The following PITRM1 variants were observed in gnomAD, a reference collection of about 807,000 sequenced individuals.
PITRM1 encodes the protein pitrilysin metallopeptidase 1, also known as presequence protease, mitochondrial.
PITRM1 carries 100 observed loss-of-function variants against 129.9 expected under a neutral mutation model. The ratio of observed to expected loss-of-function variants is 0.77; its 90% CI spans 0.65 to 0.91. The LOEUF (loss-of-function observed/expected upper bound fraction) is 0.91, where lower values mean the gene tolerates loss of function less well. PITRM1 is among the 40% of genes least tolerant of loss of function. The pLI is 0.00. For synonymous variants in PITRM1, 591 were observed against 508.8 expected, an observed-to-expected ratio of 1.16 and a Z score of -2.17; for missense variants, 1,471 against 1,318.3, an observed-to-expected ratio of 1.12 and a Z score of -1.79.
intron 7 of PITRM1, among the ~76,000 whole-genome samples, chr10:3,161,847 T>C (rs887074338): frequency 1.1e-4 from 8 of 75,014 alleles, no homozygotes; most frequent in African/African-American, 3.8e-4. Flanking sequence ...AAAACAAGAC[T>C]GGGGAAAAAA....
At chr10:3,161,017 T>C (rs1842402322) in intron 7 of PITRM1, among the ~76,000 whole-genome samples, 2 of 152,146 alleles carry the variant, frequency 1.3e-5, no homozygotes, top group South Asian at 4.1e-4. Context: ...CGTCTCAGCC[T>C]CCCAAAGTGC....
intron 23 of PITRM1, chr10:3,141,451 T>A (rs2131814020): frequency 4.4e-6 from 1 of 226,776 alleles, no homozygotes; most frequent in African/African-American, 2.3e-5. Context: ...TATTTAAATG[T>A]CTCACATCAG....
chr10:3,159,452 C>T (rs980751268), intron 9 of PITRM1, among the ~76,000 whole-genome samples: 2 of 152,184 alleles, frequency 1.3e-5, no homozygotes, highest in African/African-American at 2.4e-5. Flanking sequence ...GACCTAGTCT[C>T]GTGAAACCAC....
In PITRM1 at chr10:3,159,047, A is replaced by G. The variant is rs1290608658; in HGVS notation, c.1008-5T>C. ...GCTTCAAATGTGTCGGTGATGCTGC[A>G]TTGAAAAAAAAAGGAACGGGGAGGT... On this transcript the variant is annotated splice_region_variant and splice_polypyrimidine_tract_variant and intron_variant, in intron 9 of 26. Transcript: ENST00000224949. 3.1e-6 allele frequency: 5 copies of G among 1,605,772 alleles called. No homozygotes were observed. Among genetic ancestry groups the G allele is most frequent in the South Asian group, 1.1e-5 (1 of 89,020 alleles).
rs1173678458 is a variant in PITRM1 at position 3,138,290 on chromosome 10, G to A, written c.2965C>T (p.His989Tyr). 1.2e-6 allele frequency: 2 copies of A among 1,613,872 alleles called. No individual in the cohort carries two copies. Among genetic ancestry groups the A allele is most frequent in the Non-Finnish European group, 1.7e-6 (2 of 1,179,808 alleles). Reference sequence around the variant, plus strand: ...CTGACAGCAAAGAGCTGCTCTCTGTGGGCCTGCTTCATCTCATCCGAGAGG... The same window carrying A: ...CTGACAGCAAAGAGCTGCTCTCTGTAGGCCTGCTTCATCTCATCCGAGAGG... ...YGLSDEMKQAHREQLFAVSHD... is the reference protein window; with the variant it reads ...YGLSDEMKQAYREQLFAVSHD... The change falls in exon 26 of 27, where the codon CAC becomes TAC. Residue 989 changes from histidine to tyrosine, a missense_variant. His to Tyr is a moderately conservative substitution (Grantham distance 83). Transcript: ENST00000224949.
intron 23 of PITRM1, among the ~76,000 whole-genome samples, chr10:3,142,030 G>A (rs1391400849): frequency 2.6e-5 from 4 of 152,114 alleles, no homozygotes; most frequent in Non-Finnish European, 5.9e-5. Flanking sequence ...GCTCACTTTT[G>A]AAAGATTATA....
At chr10:3,143,885 G>C (rs1171099657) in intron 22 of PITRM1, 1 of 530,882 alleles carries the variant, frequency 1.9e-6, no homozygotes, top group African/African-American at 1.9e-5. Flanking sequence ...ACTCCACAAG[G>C]AACCAAACCA....
At chr10:3,165,151 A>C (rs994537590) in intron 6 of PITRM1, 87 bp downstream of exon 6, 3 of 959,886 alleles carry the variant, frequency 3.1e-6, no homozygotes, top group African/African-American at 3.3e-5. Context: ...GAGAATATTA[A>C]ATAAAATCTT....
intron 7 of PITRM1, among the ~76,000 whole-genome samples, chr10:3,162,734 ACCAGGCGGGAACAG>A (rs1226255468): frequency 6.6e-6 from 1 of 152,224 alleles, no homozygotes; most frequent in African/African-American, 2.4e-5. Context: ...GGCACCCAAC[ACCAGGCGGGAACAG>A]CCAGGCCACC....
chr10:3,172,745 G>C lies in PITRM1; in HGVS notation c.28C>G (p.Leu10Val), dbSNP rs572092794. Residue 10 changes from leucine (L) to valine (V), a missense_variant, in exon 1 of 27, where the codon CTG (leucine) becomes GTG (valine). By Grantham distance (32) the Leu-to-Val change is conservative. Transcript: ENST00000224949. MWRCGGRQG[L>V]CVLRRLSGGH... is the part of the protein sequence containing the mutation. ...CCGCTCAGCCGCCTCAGCACACACA[G>C]GCCCTGCCGCCCGCCGCAGCGCCAC... 2.6e-6 allele frequency: 4 copies of C among 1,545,804 alleles called. No individual in the cohort carries two copies. Among genetic ancestry groups the C allele is most frequent in the African/African-American group, 1.4e-5 (1 of 72,816 alleles).
intron 24 of PITRM1, among the ~76,000 whole-genome samples, chr10:3,139,725 G>A (rs1839988232): frequency 6.6e-6 from 1 of 152,154 alleles, no homozygotes; most frequent in African/African-American, 2.4e-5. Flanking sequence ...GTGCAGTGGC[G>A]CAATCTGCTC....
chr10:3,143,912 G>C, intron 22 of PITRM1: 1 of 516,834 alleles, frequency 1.9e-6, no homozygotes, highest in Non-Finnish European at 3.6e-6. Flanking sequence ...ATCAGCACCA[G>C]GCTGAGTCGC....
intron 19 of PITRM1, 140 bp from the exon 20 acceptor site, chr10:3,147,390 TG>T: frequency 1.1e-6 from 1 of 932,452 alleles, no homozygotes; most frequent in African/African-American, 1.6e-5. Flanking sequence ...GGGCTGGAAC[TG>T]GGATGCAGGG....
chr10:3,160,160 C>T, intron 8 of PITRM1, 44 bp downstream of exon 8: 1 of 1,604,788 alleles, frequency 6.2e-7, no homozygotes, highest in South Asian at 1.1e-5. Flanking sequence ...GTCCTCATGT[C>T]AACATATTTA....
At position 3,165,405 on chromosome 10, in the gene PITRM1, T is replaced by C. The variant is rs780652074; in HGVS notation, c.533+8A>G. On this transcript the variant is annotated splice_region_variant and intron_variant, in intron 5 of 26. Transcript: ENST00000224949. ...TCTGTATCAACTAGTTAATCATTCA[T>C]GACATACCAGAAATCCAGCTCGCGT... The C allele has an allele frequency of 2.5e-6, 4 of 1,610,190 alleles. No homozygotes were observed. The highest frequency in any genetic ancestry group is 2.2e-5 in the East Asian group (1 of 44,854).
At chr10:3,147,362 G>T in intron 19 of PITRM1, 112 bp from the exon 20 acceptor site, 1 of 986,246 alleles carries the variant, frequency 1.0e-6, no homozygotes. Flanking sequence ...TTATGTGTGC[G>T]AGTGCACGGC....
intron 14 of PITRM1, among the ~76,000 whole-genome samples, chr10:3,154,252 A>T (rs542390568): frequency 1.3e-4 from 20 of 152,292 alleles, no homozygotes; most frequent in African/African-American, 4.8e-4. Flanking sequence ...AAGGATGTAT[A>T]TGTTGATGGA....
chr10:3,146,623 TGAA>T (rs1423671697), intron 20 of PITRM1: 5 of 152,636 alleles, frequency 3.3e-5, no homozygotes, highest in East Asian at 3.8e-4. Flanking sequence ...GGACTCTGTG[TGAA>T]GAAGGACAAG....
intron 7 of PITRM1, 97 bp downstream of exon 7, chr10:3,163,628 T>C (rs893658373): frequency 3.8e-6 from 4 of 1,039,620 alleles, no homozygotes; most frequent in South Asian, 1.6e-5. Context: ...TTCTTAAGCA[T>C]TGCTAAATGT....
Sources: gnomAD v4.1 joint callset for allele counts (sites outside exome capture counted in the v4.1 genomes callset) on GRCh38, gnomAD v4.1.1 for gene constraint, MANE v1.5 for transcripts, NCBI Gene and HGNC (gene_info 2026-07-23, HGNC 2026-07-21) for gene names.